Variants in BMPR1B observed in about 807,000 individuals in gnomAD.
BMPR1B encodes the protein bone morphogenetic protein receptor type-1B.
BMPR1B carries 12 observed loss-of-function variants against 59.1 expected under a neutral mutation model. The observed-to-expected ratio is 0.20, with a 90% CI of 0.13 to 0.33. BMPR1B has a LOEUF of 0.33. Among genes scored for constraint, BMPR1B ranks in the 10% least tolerant of loss-of-function variants. The probability of loss-of-function intolerance (pLI) is 1.00; values close to 1 mark genes in which losing one functional copy is unlikely to be tolerated. For synonymous variants in BMPR1B, 237 were observed against 207.3 expected (o/e 1.14, Z -1.23); for missense variants, 550 against 610.9 (o/e 0.90, Z 1.05).
chr4:94,999,585 C>T (rs1339898141), intron 3 of BMPR1B, among the ~76,000 whole-genome samples: 1 of 152,150 alleles, frequency 6.6e-6, no homozygotes, highest in Non-Finnish European at 1.5e-5. Flanking sequence ...TTGGTGAAGT[C>T]TGTCAAAAAA....
chr4:94,866,342 T>C (rs2148962567), intron 1 of BMPR1B, among the ~76,000 whole-genome samples: 1 of 152,300 alleles, frequency 6.6e-6, no homozygotes, highest in South Asian at 2.1e-4. Context: ...TGATACTGCC[T>C]TTCTTCCTTT....
intron 2 of BMPR1B, among the ~76,000 whole-genome samples, chr4:94,880,316 A>G (rs1023476200): frequency 2.6e-5 from 4 of 152,040 alleles, no homozygotes; most frequent in African/African-American, 9.7e-5. Context: ...ATATATTTTT[A>G]TTTTTACTTT....
chr4:94,776,822 C>T (rs963436878), intron 1 of BMPR1B, among the ~76,000 whole-genome samples: 1 of 152,048 alleles, frequency 6.6e-6, no homozygotes, highest in Non-Finnish European at 1.5e-5. Flanking sequence ...AGGAAAAGGC[C>T]AGAAAGGAAA....
chr4:95,111,024 G>A (rs1021019676), intron 4 of BMPR1B, among the ~76,000 whole-genome samples: 2 of 152,094 alleles, frequency 1.3e-5, no homozygotes, highest in Non-Finnish European at 2.9e-5. Context: ...TTAAGAACTT[G>A]TTTACAGATG....
intron 2 of BMPR1B, among the ~76,000 whole-genome samples, chr4:94,925,137 A>G (rs1728837095): frequency 1.3e-5 from 2 of 152,026 alleles, no homozygotes; most frequent in South Asian, 4.1e-4. Flanking sequence ...CCCTCTTCCT[A>G]TTTAGAATCA....
intron 3 of BMPR1B, among the ~76,000 whole-genome samples, chr4:95,037,104 G>A (rs540898194): frequency 1.3e-5 from 2 of 152,246 alleles, no homozygotes; most frequent in African/African-American, 4.8e-5. Context: ...CTGTACTCAT[G>A]TCCTAGCTAC....
intron 12 of BMPR1B, 23 bp downstream of exon 12, chr4:95,152,796 G>A (rs777645503): frequency 1.2e-6 from 2 of 1,610,638 alleles, no homozygotes; most frequent in African/African-American, 1.3e-5. Context: ...GTAACCATGT[G>A]GCTGTGACAG....
intron 2 of BMPR1B, among the ~76,000 whole-genome samples, chr4:94,884,385 G>A (rs1183349425): frequency 6.6e-6 from 1 of 152,140 alleles, no homozygotes; most frequent in Non-Finnish European, 1.5e-5. Context: ...AATTAGCTGG[G>A]TGTGGTGGCA....
At chr4:95,027,726 C>T (rs904941778) in intron 3 of BMPR1B, among the ~76,000 whole-genome samples, 1 of 152,088 alleles carries the variant, frequency 6.6e-6, no homozygotes, top group African/African-American at 2.4e-5. Flanking sequence ...CTTTATTCCC[C>T]AGAACACTCA....
intron 1 of BMPR1B, among the ~76,000 whole-genome samples, chr4:94,839,697 G>C (rs13152503): frequency 7.4e-6 from 1 of 135,254 alleles, no homozygotes; most frequent in Non-Finnish European, 1.6e-5. Flanking sequence ...ACACTGATGG[G>C]TCTTGACTCT....
chr4:94,780,936 C>T (rs1722566127), intron 1 of BMPR1B, among the ~76,000 whole-genome samples: 1 of 152,094 alleles, frequency 6.6e-6, no homozygotes, highest in African/African-American at 2.4e-5. Flanking sequence ...GATCCACCCA[C>T]CTCGGCCTCC....
chr4:94,816,792 C>T (rs920893605), intron 1 of BMPR1B, among the ~76,000 whole-genome samples: 1 of 152,086 alleles, frequency 6.6e-6, no homozygotes, highest in Non-Finnish European at 1.5e-5. Context: ...CCAGGCTCAT[C>T]CAGTTCTTAT....
At chr4:95,072,861 A>G (rs908297154) in intron 3 of BMPR1B, among the ~76,000 whole-genome samples, 2 of 152,202 alleles carry the variant, frequency 1.3e-5, no homozygotes, top group Admixed American at 6.5e-5. Flanking sequence ...TGATTTAAGT[A>G]TTCTGAATTT....
At chr4:95,063,246 G>A (rs1479992937) in intron 3 of BMPR1B, among the ~76,000 whole-genome samples, 9 of 152,090 alleles carry the variant, frequency 5.9e-5, no homozygotes, top group African/African-American at 1.9e-4. Flanking sequence ...TTACAATTTA[G>A]AAATCCAAGC....
At chr4:94,963,126 G>A (rs1041419115) in intron 2 of BMPR1B, among the ~76,000 whole-genome samples, 1 of 152,088 alleles carries the variant, frequency 6.6e-6, no homozygotes, top group African/African-American at 2.4e-5. Flanking sequence ...ACCTTCTTTG[G>A]AGAAATGTCT....
At chr4:95,113,253 A>G (rs1305672178) in intron 4 of BMPR1B, among the ~76,000 whole-genome samples, 1 of 152,150 alleles carries the variant, frequency 6.6e-6, no homozygotes, top group South Asian at 2.1e-4. Flanking sequence ...TTCCACAACA[A>G]TATTCATGCT....
At chr4:94,969,610 G>A (rs1730694045) in intron 2 of BMPR1B, among the ~76,000 whole-genome samples, 1 of 152,112 alleles carries the variant, frequency 6.6e-6, no homozygotes, top group Admixed American at 6.5e-5. Flanking sequence ...TATGTTGTTG[G>A]TGGAATGGCG....
intron 10 of BMPR1B, among the ~76,000 whole-genome samples, chr4:95,145,093 G>T (rs959309828): frequency 1.3e-5 from 2 of 152,170 alleles, no homozygotes; most frequent in African/African-American, 4.8e-5. Context: ...ATGAACAGAT[G>T]TTAGCAGTTT....
At chr4:94,775,401 C>T (rs1722329636) in intron 1 of BMPR1B, among the ~76,000 whole-genome samples, 1 of 152,128 alleles carries the variant, frequency 6.6e-6, no homozygotes, top group Non-Finnish European at 1.5e-5. Flanking sequence ...TATTTGATCG[C>T]AAAATGTTCG....
Sources: gnomAD v4.1 joint callset for allele counts (sites outside exome capture counted in the v4.1 genomes callset) on GRCh38, gnomAD v4.1.1 for gene constraint, MANE v1.5 for transcripts, NCBI Gene and HGNC (gene_info 2026-07-23, HGNC 2026-07-21) for gene names.